The following CAP2 variants were observed in gnomAD, a reference collection of about 807,000 sequenced individuals.
CAP2 encodes adenylyl cyclase-associated protein 2.
In CAP2, 24 loss-of-function variants were observed where a neutral mutation model predicts 57.7. That is an observed-to-expected ratio of 0.42 (90% CI 0.30 to 0.58). The LOEUF is 0.58. CAP2 is among the 20% of genes least tolerant of loss of function. The pLI, the probability that CAP2 is intolerant of heterozygous loss-of-function variation, is 0.22. For missense variants in CAP2, 501 were observed against 590.3 expected (o/e 0.85, Z 1.57); for synonymous variants, 194 against 207.2 (o/e 0.94, Z 0.55).
At chr6:17,480,189 A>T (rs1761253534) in intron 4 of CAP2, among the ~76,000 whole-genome samples, 1 of 152,152 alleles carries the variant, frequency 6.6e-6, no homozygotes, top group African/African-American at 2.4e-5. Flanking sequence ...ACTACAGAGG[A>T]TGACAGTCAA....
At chr6:17,427,036 G>A (rs952584230) in intron 3 of CAP2, among the ~76,000 whole-genome samples, 2 of 152,156 alleles carry the variant, frequency 1.3e-5, no homozygotes, top group Non-Finnish European at 2.9e-5. Context: ...GAATAAGAAA[G>A]CAGAGTCATG....
chr6:17,475,040 C>T (rs1761115816), intron 4 of CAP2, among the ~76,000 whole-genome samples: 1 of 151,946 alleles, frequency 6.6e-6, no homozygotes, highest in Non-Finnish European at 1.5e-5. Context: ...ACTAAAAATA[C>T]AAAAATTAGC....
At position 17,556,454 on chromosome 6, in the gene CAP2, A is replaced by G; in HGVS notation, c.*12A>G. ...AAATTATGGCCTAACTTCCTGAGAGACCGAACCCCCTCACCTGAATCCCCC... is the reference window on the plus strand; with the variant it reads ...AAATTATGGCCTAACTTCCTGAGAGGCCGAACCCCCTCACCTGAATCCCCC... On this transcript the variant is annotated 3_prime_UTR_variant, in exon 13 of 13. Transcript: ENST00000229922. The G allele has an allele frequency of 6.3e-7, 1 of 1,583,506 alleles. No individual in the cohort carries two copies. Among genetic ancestry groups the G allele is most frequent in the Non-Finnish European group, 8.7e-7 (1 of 1,152,102 alleles).
At chr6:17,523,203 T>C (rs1180528793) in intron 7 of CAP2, among the ~76,000 whole-genome samples, 1 of 151,988 alleles carries the variant, frequency 6.6e-6, no homozygotes, top group African/African-American at 2.4e-5. Flanking sequence ...ACAATGGCAA[T>C]GCAAAGAGAT....
At chr6:17,401,876 TC>T (rs1431120350) in intron 1 of CAP2, among the ~76,000 whole-genome samples, 1 of 152,160 alleles carries the variant, frequency 6.6e-6, no homozygotes, top group East Asian at 1.9e-4. Flanking sequence ...AGGAATTCAC[TC>T]CCCTCAATGC....
At chr6:17,509,767 T>G (rs1416042785) in intron 6 of CAP2, among the ~76,000 whole-genome samples, 4 of 152,060 alleles carry the variant, frequency 2.6e-5, no homozygotes, top group African/African-American at 9.7e-5. Context: ...TTGTACACAA[T>G]ATTCATTGCA....
intron 3 of CAP2, among the ~76,000 whole-genome samples, chr6:17,455,982 T>A (rs1380159802): frequency 6.6e-6 from 1 of 152,162 alleles, no homozygotes; most frequent in East Asian, 1.9e-4. Context: ...TGCTAACAGT[T>A]TTGTAGTGGA....
At chr6:17,545,131 T>A (rs983428005) in intron 11 of CAP2, among the ~76,000 whole-genome samples, 4 of 152,236 alleles carry the variant, frequency 2.6e-5, no homozygotes, top group Admixed American at 2.6e-4. Flanking sequence ...TAATATTTGA[T>A]GGCAGAGGTG....
chr6:17,443,201 A>G (rs555545376), intron 3 of CAP2, among the ~76,000 whole-genome samples: 1 of 152,248 alleles, frequency 6.6e-6, no homozygotes, highest in East Asian at 1.9e-4. Flanking sequence ...GCAGTGGGCC[A>G]CTATCACGGT....
At chr6:17,401,835 A>C (rs1018614344) in intron 1 of CAP2, among the ~76,000 whole-genome samples, 4 of 151,892 alleles carry the variant, frequency 2.6e-5, no homozygotes, top group African/African-American at 7.3e-5. Flanking sequence ...CCCTCCTTCC[A>C]TCTTGCTTCA....
chr6:17,395,914 G>A (rs1344983769), intron 1 of CAP2, among the ~76,000 whole-genome samples: 3 of 152,034 alleles, frequency 2.0e-5, no homozygotes, highest in African/African-American at 7.2e-5. Context: ...TCTGATAAGG[G>A]TCTTGTATCC....
chr6:17,455,786 C>T (rs1373066070), intron 3 of CAP2, among the ~76,000 whole-genome samples: 7 of 152,176 alleles, frequency 4.6e-5, no homozygotes, highest in Non-Finnish European at 8.8e-5. Flanking sequence ...CTGCCCTCCT[C>T]GGCCTCCCAA....
At chr6:17,488,037 G>T (rs6459550) in intron 4 of CAP2, among the ~76,000 whole-genome samples, 20,193 of 151,790 alleles carry the variant, frequency 0.13, 1,505 homozygotes, top group Admixed American at 0.19. Context: ...TGATCCTCCC[G>T]CCTCAGCCTC....
At chr6:17,518,183 G>A (rs1402033861) in intron 7 of CAP2, among the ~76,000 whole-genome samples, 1 of 152,124 alleles carries the variant, frequency 6.6e-6, no homozygotes, top group East Asian at 1.9e-4. Flanking sequence ...CATATGCCTA[G>A]AAATATATTT....
chr6:17,424,864 A>G (rs1167431498), intron 2 of CAP2, among the ~76,000 whole-genome samples: 1 of 152,236 alleles, frequency 6.6e-6, no homozygotes, highest in African/African-American at 2.4e-5. Flanking sequence ...CTCCCACTTT[A>G]AATACTCAGC....
At chr6:17,500,906 A>G (rs971415581) in intron 4 of CAP2, among the ~76,000 whole-genome samples, 3 of 152,208 alleles carry the variant, frequency 2.0e-5, no homozygotes, top group Non-Finnish European at 4.4e-5. Context: ...TTACACAAAA[A>G]CACATAAGCC....
chr6:17,395,994 G>T (rs1321406112), intron 1 of CAP2, among the ~76,000 whole-genome samples: 1 of 152,050 alleles, frequency 6.6e-6, no homozygotes, highest in Non-Finnish European at 1.5e-5. Flanking sequence ...ATGGGCAAAG[G>T]ATCTGAATAG....
chr6:17,489,822 T>G (rs760592058), intron 4 of CAP2, among the ~76,000 whole-genome samples: 7 of 152,010 alleles, frequency 4.6e-5, no homozygotes, highest in Non-Finnish European at 8.8e-5. Context: ...TCCTGGAGTT[T>G]GTAATCTAGT....
intron 11 of CAP2, among the ~76,000 whole-genome samples, chr6:17,548,416 T>C (rs1763102331): frequency 6.7e-6 from 1 of 149,672 alleles, no homozygotes; most frequent in Non-Finnish European, 1.5e-5. Flanking sequence ...CAATAGAAAA[T>C]AAGGTTGAAA....
Sources: gnomAD v4.1 joint callset for allele counts (sites outside exome capture counted in the v4.1 genomes callset) on GRCh38, gnomAD v4.1.1 for gene constraint, MANE v1.5 for transcripts, NCBI Gene and HGNC (gene_info 2026-07-23, HGNC 2026-07-21) for gene names.